Variants in LRRC28 observed in about 807,000 individuals in gnomAD.
The protein encoded by LRRC28 is leucine-rich repeat-containing protein 28.
In LRRC28, 39 loss-of-function variants were observed where a neutral mutation model predicts 45.7. The ratio of observed to expected loss-of-function variants is 0.85; its 90% CI spans 0.66 to 1.12. The LOEUF is 1.12. LRRC28 is among the 50% of genes most tolerant of loss of function. The pLI is 0.00. For missense variants in LRRC28, 435 were observed against 438.5 expected (o/e 0.99, Z 0.07); for synonymous variants, 206 against 178.8 (o/e 1.15, Z -1.22).
In LRRC28 at chr15:99,281,439, G is replaced by A. The variant is rs1167280040; in HGVS notation, c.209+4823G>A. Among the ~76,000 whole-genome samples, 5 of 150,954 alleles carry A rather than the reference G, an allele frequency of 3.3e-5. No homozygotes were observed. In the South Asian group the frequency reaches 6.2e-4, roughly 19 times the overall value. ...GCCTGTTACTGTATTTATGATATTT[G>A]GAAGTTCTGTTTATTTTTCTTTATC... On this transcript the variant is annotated intron_variant, in intron 3 of 9. Transcript: ENST00000301981.
At chr15:99,335,243 A>C (rs1164560049) in intron 6 of LRRC28, among the ~76,000 whole-genome samples, 1 of 152,178 alleles carries the variant, frequency 6.6e-6, no homozygotes, top group African/African-American at 2.4e-5. Context: ...CCAAATTACA[A>C]ATCTAGAGCT....
Position 99,276,576 on chromosome 15 carries a change from C to A in LRRC28, c.169C>A (p.Pro57Thr). The change falls in exon 3 of 10, where the codon CCA (proline) becomes ACA (threonine). Residue 57 changes from proline to threonine, a missense_variant and splice_region_variant. Transcript: ENST00000301981. ...TTAATTCTGAGTTTTTAATTTTCAGCCAGAAAACCTTGCTCAGAAGCTTCC... is the reference window on the plus strand; with the variant it reads ...TTAATTCTGAGTTTTTAATTTTCAGACAGAAAACCTTGCTCAGAAGCTTCC... The part of the protein sequence containing the change: ...YMKRNSLTSL[P>T]ENLAQKLPNL... 6.5e-7 allele frequency: 1 copy of A among 1,531,430 alleles called. No individual in the cohort carries two copies. Among genetic ancestry groups the A allele is most frequent in the Non-Finnish European group, 8.7e-7 (1 of 1,146,958 alleles). 94.9% of individuals were successfully genotyped at this position (1,531,430 alleles called of 1,614,324 possible). A position where few individuals can be genotyped will look rare whatever the true frequency, so the allele number is the denominator to read the frequency against.
At chr15:99,334,402 A>AGAGT (rs145542066) in intron 6 of LRRC28, among the ~76,000 whole-genome samples, 3 of 144,604 alleles carry the variant, frequency 2.1e-5, no homozygotes, top group African/African-American at 7.7e-5. Flanking sequence ...GGAATTAAAG[A>AGAGT]GTGTGTGTGT....
chr15:99,323,593 A>G (rs1205036363), intron 5 of LRRC28, among the ~76,000 whole-genome samples: 1 of 152,180 alleles, frequency 6.6e-6, no homozygotes, highest in Non-Finnish European at 1.5e-5. Context: ...TCTGAAAGTC[A>G]TCTATCTCCC....
chr15:99,343,998 G>A (rs1469324071), intron 6 of LRRC28, among the ~76,000 whole-genome samples: 2 of 152,082 alleles, frequency 1.3e-5, no homozygotes, highest in African/African-American at 4.8e-5. Context: ...CTTGCCCGGC[G>A]CTGCGGTGTC....
chr15:99,362,986 A>G, intron 8 of LRRC28, 120 bp from the exon 9 acceptor site: 1 of 1,134,938 alleles, frequency 8.8e-7, no homozygotes, highest in Non-Finnish European at 1.2e-6. Flanking sequence ...AGATAACAGA[A>G]TTTTCAACAT....
intron 9 of LRRC28, among the ~76,000 whole-genome samples, chr15:99,366,264 GA>G (rs1205665232): frequency 6.6e-6 from 1 of 152,174 alleles, no homozygotes. Context: ...GCTTGTAGAT[GA>G]CCATCTTCTC....
intron 7 of LRRC28, among the ~76,000 whole-genome samples, chr15:99,352,712 C>G (rs1278783207): frequency 6.6e-6 from 1 of 152,004 alleles, no homozygotes; most frequent in Non-Finnish European, 1.5e-5. Context: ...CCTTTATTTC[C>G]CCCCACACAC....
chr15:99,268,446 C>T (rs2081388120), intron 2 of LRRC28, among the ~76,000 whole-genome samples: 1 of 151,992 alleles, frequency 6.6e-6, no homozygotes, highest in African/African-American at 2.4e-5. Context: ...CTTGTGTACT[C>T]GAAGGGTGTT....
chr15:99,385,481 G>A (rs138197101), intron 9 of LRRC28, among the ~76,000 whole-genome samples: 205 of 152,338 alleles, frequency 1.3e-3, no homozygotes, highest in African/African-American at 4.0e-3. Context: ...CACGCACAAA[G>A]GTGCCCAAAC....
intron 3 of LRRC28, chr15:99,285,797 T>C (rs1399498087): frequency 2.2e-6 from 1 of 463,426 alleles, no homozygotes; most frequent in Admixed American, 2.9e-5. Flanking sequence ...AAGTATTTTG[T>C]TGAAAAAAAT....
Position 99,342,548 on chromosome 15 carries a change from A to G in LRRC28, c.592+8419A>G, listed in dbSNP as rs117489756. ...AACACATATCACTTACAAATACCAC[A>G]TAAGTATACAGTCAATATGAACTGT... is the stretch of plus-strand genomic sequence containing the variant. On this transcript the variant is annotated intron_variant, in intron 6 of 9. Coordinates refer to ENST00000301981, the MANE Select transcript of LRRC28 (RefSeq NM_144598.5). Among the ~76,000 whole-genome samples the G allele has an allele frequency of 5.8e-3, 891 of 152,336 alleles. 9 individuals carry two copies. The highest frequency in any genetic ancestry group is 0.034 in the Middle Eastern group (10 of 294).
intron 7 of LRRC28, among the ~76,000 whole-genome samples, chr15:99,354,882 AT>A (rs1555574214): frequency 1.3e-5 from 2 of 152,264 alleles, no homozygotes; most frequent in Non-Finnish European, 1.5e-5. Flanking sequence ...CTCTGAAGCA[AT>A]TACAGTACCC....
rs1958132965 is a variant in LRRC28 at position 99,389,865 on chromosome 15, C to G, written c.*3763C>G. 1 of 152,092 alleles carries G rather than the reference C, an allele frequency of 6.6e-6. No individual in the cohort carries two copies. Among genetic ancestry groups the G allele is most frequent in the South Asian group, 2.1e-4 (1 of 4,824 alleles). The allele number at this position is 152,092 out of a possible 1,614,324, so 9.4% of individuals were successfully genotyped here. ...TCGGCAGTGGCTCATGCCTATAATC[C>G]CAGCACTTTGGGAGGCCGAGGAGGG... On this transcript the variant is annotated 3_prime_UTR_variant, in exon 10 of 10. Coordinates refer to ENST00000301981, the MANE Select transcript of LRRC28 (RefSeq NM_144598.5).
At chr15:99,371,068 T>C (rs1957471276) in intron 9 of LRRC28, among the ~76,000 whole-genome samples, 1 of 149,830 alleles carries the variant, frequency 6.7e-6, no homozygotes, top group Non-Finnish European at 1.5e-5. Context: ...ATCGCGCCAC[T>C]GCACTCCAGG....
intron 5 of LRRC28, among the ~76,000 whole-genome samples, chr15:99,291,023 T>G (rs530623499): frequency 1.5e-4 from 23 of 152,304 alleles, no homozygotes; most frequent in African/African-American, 5.3e-4. Context: ...TGTTGTATTA[T>G]TCTGTGTTTT....
chr15:99,384,253 C>T (rs544735277), intron 9 of LRRC28: 16 of 152,214 alleles, frequency 1.1e-4, no homozygotes, highest in African/African-American at 2.9e-4. Flanking sequence ...TGCTAGTTTT[C>T]GTAGAAGGTG....
chr15:99,386,303 T>A lies in LRRC28; in HGVS notation c.*201T>A. On this transcript the variant is annotated 3_prime_UTR_variant, in exon 10 of 10. Transcript: ENST00000301981. ...TCCTCCCCCAAATTAAGGACCCATT[T>A]GTCTTCTGTGTTTTTCCTTTTTATG... The A allele has an allele frequency of 2.0e-6, 1 of 507,484 alleles. No individual in the cohort carries two copies. Among genetic ancestry groups the A allele is most frequent in the Admixed American group, 3.3e-5 (1 of 30,204 alleles). 31.4% of individuals were successfully genotyped at this position (507,484 alleles called of 1,614,324 possible). A position where few individuals can be genotyped will look rare whatever the true frequency, so the allele number is the denominator to read the frequency against.
chr15:99,351,108 A>G (rs1439880466), intron 6 of LRRC28, among the ~76,000 whole-genome samples: 1 of 151,494 alleles, frequency 6.6e-6, no homozygotes, highest in Non-Finnish European at 1.5e-5. Context: ...CACCCCTGCC[A>G]TATTATGTTC....
Sources: allele counts gnomAD v4.1 joint callset (sites outside exome capture counted in the v4.1 genomes callset), GRCh38; gene constraint gnomAD v4.1.1; transcripts MANE v1.5; gene names NCBI Gene and HGNC (gene_info 2026-07-23, HGNC 2026-07-21).